Variants in GLIS3 observed in about 807,000 individuals in gnomAD.
The protein encoded by GLIS3 is GLIS family zinc finger 3, also known as zinc finger protein GLIS3.
A neutral mutation model predicts 78.6 loss-of-function variants in GLIS3; 53 were observed. That is an observed-to-expected ratio of 0.67 (90% CI 0.54 to 0.85). The LOEUF is 0.85. Ranked by LOEUF, GLIS3 falls within the 40% of genes least tolerant of loss-of-function variation. The pLI, the probability that GLIS3 is intolerant of heterozygous loss-of-function variation, is 0.00. For synonymous variants in GLIS3, 684 were observed against 509.9 expected (o/e 1.34, Z -4.60); for missense variants, 1,703 against 1,231.1 (o/e 1.38, Z -5.74).
At chr9:4,444,866 G>C in the GLIS3 span, among the ~76,000 whole-genome samples, 1 of 152,178 alleles carries the variant, frequency 6.6e-6, no homozygotes, top group African/African-American at 2.4e-5. Context: ...AAAGAGGTAA[G>C]TGAAAAACCT....
chr9:3,949,866 C>A (rs1816560202), intron 4 of GLIS3, among the ~76,000 whole-genome samples: 1 of 152,196 alleles, frequency 6.6e-6, no homozygotes, highest in African/African-American at 2.4e-5. Context: ...AGAATCCAAT[C>A]TGCGTCATAT....
rs1255649714 is a variant in GLIS3 at position 3,937,126 on chromosome 9, T to A, written c.1774A>T (p.Thr592Ser). ...TGGCACAAATACGGCTTCTCGCCTG[T>A]GTGGCTCCGCAAGTGGATCTTGAGA... ...ENLKIHLRSHTGEKPYLCQHP... is the reference protein window; with the variant it reads ...ENLKIHLRSHSGEKPYLCQHP... Residue 592 changes from threonine to serine, a missense_variant, in exon 5 of 11, where the codon ACA becomes TCA. Physicochemically the swap from Thr to Ser is moderately conservative, Grantham distance 58. Coordinates refer to ENST00000381971, the MANE Select transcript of GLIS3 (RefSeq NM_001042413.2). 6.2e-7 allele frequency: 1 copy of A among 1,614,110 alleles called. No individual in the cohort carries two copies. The highest frequency in any genetic ancestry group is 2.2e-5 in the East Asian group (1 of 44,880).
chr9:4,452,182 A>G, the GLIS3 span, among the ~76,000 whole-genome samples: 1 of 152,216 alleles, frequency 6.6e-6, no homozygotes, highest in African/African-American at 2.4e-5. Context: ...TCAAAATAAT[A>G]AGAGTTATTT....
intron 2 of GLIS3, among the ~76,000 whole-genome samples, chr9:4,164,840 C>A (rs1476328061): frequency 3.9e-5 from 6 of 152,130 alleles, no homozygotes; most frequent in Non-Finnish European, 7.4e-5. Context: ...AAAGACCAGA[C>A]TTAAAAGAAA....
At chr9:4,035,400 C>G (rs1824214703) in intron 4 of GLIS3, among the ~76,000 whole-genome samples, 1 of 151,836 alleles carries the variant, frequency 6.6e-6, no homozygotes, top group Non-Finnish European at 1.5e-5. Context: ...GCATGTTTGA[C>G]AACCCCAGAA....
intron 2 of GLIS3, among the ~76,000 whole-genome samples, chr9:4,241,727 G>C (rs1281927107): frequency 2.0e-5 from 3 of 152,048 alleles, no homozygotes; most frequent in Non-Finnish European, 4.4e-5. Context: ...GGAATGTCCA[G>C]GCTGGAATGC....
chr9:4,465,676 T>C, the GLIS3 span, among the ~76,000 whole-genome samples: 1 of 152,234 alleles, frequency 6.6e-6, no homozygotes, highest in Non-Finnish European at 1.5e-5. Flanking sequence ...TCATATTGCA[T>C]GCCTGTATCA....
intron 2 of GLIS3, among the ~76,000 whole-genome samples, chr9:4,262,829 C>G (rs1466245973): frequency 6.6e-6 from 1 of 150,546 alleles, no homozygotes; most frequent in East Asian, 1.9e-4. Flanking sequence ...ACAGATATGA[C>G]TTCACCGAAA....
intron 4 of GLIS3, among the ~76,000 whole-genome samples, chr9:4,036,232 T>C (rs949991151): frequency 9.8e-5 from 15 of 152,350 alleles, no homozygotes; most frequent in African/African-American, 3.4e-4. Flanking sequence ...TTTTGTTGTT[T>C]GTTTTATTTT....
intron 2 of GLIS3, among the ~76,000 whole-genome samples, chr9:4,196,544 C>G (rs760091299): frequency 6.6e-6 from 1 of 152,164 alleles, no homozygotes; most frequent in Non-Finnish European, 1.5e-5. Context: ...AGCAAGACCA[C>G]GAACCCACTG....
chr9:4,323,843 A>T (rs1475372816), intron 2 of GLIS3, among the ~76,000 whole-genome samples: 1 of 152,232 alleles, frequency 6.6e-6, no homozygotes, highest in Admixed American at 6.5e-5. Context: ...GTTTGAATGA[A>T]TCATGAAAAG....
At chr9:4,300,275 C>G (rs1387824601), upstream of GLIS3, among the ~76,000 whole-genome samples, 3 of 151,874 alleles carry the variant, frequency 2.0e-5, no homozygotes. Flanking sequence ...TCGAGGAACT[C>G]CAGAACAGGG....
chr9:4,397,401 A>C, the GLIS3 span, among the ~76,000 whole-genome samples: 1 of 151,492 alleles, frequency 6.6e-6, no homozygotes, highest in Non-Finnish European at 1.5e-5. Flanking sequence ...ATATTTTCCA[A>C]CACATTATTG....
chr9:3,869,600 G>A (rs374281738), intron 8 of GLIS3, among the ~76,000 whole-genome samples: 40 of 152,136 alleles, frequency 2.6e-4, no homozygotes, highest in African/African-American at 9.2e-4. Context: ...CCAGAATTAC[G>A]GCTACTGCCC....
chr9:4,441,875 C>T, the GLIS3 span, among the ~76,000 whole-genome samples: 22 of 152,240 alleles, frequency 1.4e-4, no homozygotes, highest in African/African-American at 4.8e-4. Context: ...CAAGTGCTGG[C>T]ATTACAGGCG....
intron 4 of GLIS3, among the ~76,000 whole-genome samples, chr9:4,060,847 G>T (rs1826586602): frequency 6.6e-6 from 1 of 152,140 alleles, no homozygotes; most frequent in African/African-American, 2.4e-5. Context: ...CTTCTCTGTA[G>T]TTCATCCAGC....
chr9:3,908,869 A>C (rs1210574557), intron 6 of GLIS3, among the ~76,000 whole-genome samples: 1 of 152,166 alleles, frequency 6.6e-6, no homozygotes, highest in Non-Finnish European at 1.5e-5. Flanking sequence ...GGAAAGGGAA[A>C]AAGGCCCAGA....
At chr9:4,400,272 A>T in the GLIS3 span, among the ~76,000 whole-genome samples, 1 of 152,220 alleles carries the variant, frequency 6.6e-6, no homozygotes, top group Non-Finnish European at 1.5e-5. Context: ...AAGAGTTAGG[A>T]GGCAGTTGAA....
At chr9:4,207,562 C>G (rs1200030614) in intron 2 of GLIS3, among the ~76,000 whole-genome samples, 1 of 152,202 alleles carries the variant, frequency 6.6e-6, no homozygotes, top group East Asian at 1.9e-4. Context: ...AAATAGCTAA[C>G]ATGTTACTAC....
Sources: allele counts gnomAD v4.1 joint callset (sites outside exome capture counted in the v4.1 genomes callset), GRCh38; gene constraint gnomAD v4.1.1; transcripts MANE v1.5; gene names NCBI Gene and HGNC (gene_info 2026-07-23, HGNC 2026-07-21).